The following NUGGC variants were observed in gnomAD, a reference collection of about 807,000 sequenced individuals.
The protein encoded by NUGGC is nuclear GTPase, germinal center associated, also known as nuclear GTPase SLIP-GC.
NUGGC carries 58 observed loss-of-function variants against 92.6 expected under a neutral mutation model. That is an observed-to-expected ratio of 0.63 (90% confidence interval 0.51 to 0.78). The LOEUF is 0.78. NUGGC is among the 30% of genes least tolerant of loss of function. The pLI is 0.00. For synonymous variants in NUGGC, 376 were observed against 366.4 expected (o/e 1.03, Z -0.30); for missense variants, 925 against 964.6 (o/e 0.96, Z 0.54).
At chr8:28,081,389 A>G (rs1810846100) in intron 1 of NUGGC, among the ~76,000 whole-genome samples, 1 of 152,230 alleles carries the variant, frequency 6.6e-6, no homozygotes, top group Non-Finnish European at 1.5e-5. Context: ...ATTGCTCTGC[A>G]GGCACTTATG....
At position 28,032,562 on chromosome 8, in the gene NUGGC, C is replaced by T. The variant is rs537531635; in HGVS notation, c.1769+978G>A. ...GAAACCCCATCTCTACTAAAAAATA[C>T]AAAAAATTAGCCAGGCATGGTGGCA... On this transcript the variant is annotated intron_variant, in intron 14 of 18. Transcript: ENST00000413272. Among the ~76,000 whole-genome samples, 5 of 151,716 alleles carry T rather than the reference C, an allele frequency of 3.3e-5. No individual in the cohort carries two copies. The South Asian group carries it at 1.0e-3, about 32-fold the overall frequency.
intron 9 of NUGGC, among the ~76,000 whole-genome samples, chr8:28,057,158 A>T (rs1373851791): frequency 6.6e-6 from 1 of 152,158 alleles, no homozygotes. Context: ...TCATGACATT[A>T]CAAGAAAAAG....
At chr8:28,061,160 G>C (rs1323181579) in intron 7 of NUGGC, among the ~76,000 whole-genome samples, 1 of 152,168 alleles carries the variant, frequency 6.6e-6, no homozygotes, top group Non-Finnish European at 1.5e-5. Flanking sequence ...ACTAGGTTTG[G>C]TGGTGCACCT....
intron 6 of NUGGC, among the ~76,000 whole-genome samples, chr8:28,066,551 C>T (rs1356813738): frequency 6.6e-6 from 1 of 151,968 alleles, no homozygotes; most frequent in African/African-American, 2.4e-5. Flanking sequence ...AAATTGTACC[C>T]ATTTTACCAA....
At position 28,064,714 on chromosome 8, in the gene NUGGC, G is replaced by A; in HGVS notation, c.729C>T (p.Ile243=). 1 of 1,613,976 alleles carries A rather than the reference G, an allele frequency of 6.2e-7. No individual in the cohort carries two copies. The highest frequency in any genetic ancestry group is 8.5e-7 in the Non-Finnish European group (1 of 1,179,870). ...GTGTGCGGATGTAGGGGTCCAGCTT[G>A]ATGGACAGCTCTTCTGCCTGAAGAA... The part of the protein sequence containing the change: ...LKAEEAEELS[I]KLDPYIRTQR... Residue 243 remains isoleucine (I), a synonymous_variant, in exon 7 of 19, where the codon ATC becomes ATT. Coordinates refer to ENST00000413272, the MANE Select transcript of NUGGC (RefSeq NM_001010906.2).
chr8:28,024,607 CTG>C lies in NUGGC; in HGVS notation c.2246-1147_2246-1146del, dbSNP rs533194718. ...GTCCCCTTTGAAGGGACACTTCAGA[CTG>C]AGCCCTGAATGCCTTTCTAATCCCC... On this transcript the variant is annotated intron_variant, in intron 18 of 18. Transcript: ENST00000413272. Among the ~76,000 whole-genome samples, 13 of 152,350 alleles carry C rather than the reference CTG, an allele frequency of 8.5e-5. No homozygotes were observed. The South Asian group carries it at 2.5e-3, about 29-fold the overall frequency.
rs117342489 is a variant in NUGGC at position 28,078,233 on chromosome 8, T to C, written c.-46-3777A>G. Among the ~76,000 whole-genome samples, 794 of 152,338 alleles carry C rather than the reference T, an allele frequency of 5.2e-3. 16 individuals are homozygous for C. The highest frequency in any genetic ancestry group is 0.02 in the Admixed American group (306 of 15,302). ...GTGGTTTGGTTGTGGTGGATTGGGC[T>C]TCAAATTCCTTTGGCCAATGTTCAA... On this transcript the variant is annotated intron_variant, in intron 1 of 18. Coordinates refer to ENST00000413272, the MANE Select transcript of NUGGC (RefSeq NM_001010906.2).
intron 1 of NUGGC, among the ~76,000 whole-genome samples, chr8:28,076,050 T>C (rs1236359254): frequency 6.6e-6 from 1 of 152,198 alleles, no homozygotes; most frequent in Non-Finnish European, 1.5e-5. Context: ...TTCCCACTCA[T>C]TCCCCCCGTG....
chr8:28,063,916 G>C (rs928404249), intron 7 of NUGGC, among the ~76,000 whole-genome samples: 1 of 151,980 alleles, frequency 6.6e-6, no homozygotes, highest in East Asian at 1.9e-4. Context: ...TCTGTTTACC[G>C]CGCCCTTTCT....
chr8:28,043,526 T>A (rs1397796180), intron 12 of NUGGC, among the ~76,000 whole-genome samples: 4 of 152,204 alleles, frequency 2.6e-5, no homozygotes, highest in Non-Finnish European at 5.9e-5. Context: ...CCAAGGAATT[T>A]TGAGCAAAGT....
Position 28,026,969 on chromosome 8 carries a change from C to A in NUGGC, c.2238G>T (p.Glu746Asp). The change falls in exon 18 of 19, where the codon GAG (glutamate) becomes GAT (aspartate). Residue 746 changes from glutamate to aspartate, a missense_variant. By Grantham distance (45) the Glu-to-Asp change is conservative (BLOSUM62 2). Transcript: ENST00000413272. ...AAGCTTTGGCGTATTTACCTGCAAG[C>A]TCCTTGTAGAGGCCATCCCCCTGGG... is the stretch of plus-strand genomic sequence containing the variant. Reference protein sequence around the residue: ...ASSQGDGLYKELADVGSEYKE... With the variant: ...ASSQGDGLYKDLADVGSEYKE... 1 of 1,611,666 alleles carries A rather than the reference C, an allele frequency of 6.2e-7. No individual in the cohort carries two copies.
chr8:28,032,247 C>T (rs768957029), intron 14 of NUGGC, among the ~76,000 whole-genome samples: 2 of 151,826 alleles, frequency 1.3e-5, no homozygotes, highest in Admixed American at 6.6e-5. Flanking sequence ...TAATCCAAGA[C>T]GTGCTTAAAG....
At chr8:28,035,325 T>C (rs1482021048) in intron 13 of NUGGC, among the ~76,000 whole-genome samples, 1 of 152,046 alleles carries the variant, frequency 6.6e-6, no homozygotes, top group Admixed American at 6.5e-5. Context: ...AAACAAACAG[T>C]AAACGCCTGT....
chr8:28,065,304 A>G (rs943568749), intron 6 of NUGGC, among the ~76,000 whole-genome samples: 4 of 151,770 alleles, frequency 2.6e-5, no homozygotes, highest in South Asian at 2.1e-4. Context: ...GACTACAGGC[A>G]CCCGCAACCA....
intron 7 of NUGGC, among the ~76,000 whole-genome samples, chr8:28,062,828 T>G (rs576120244): frequency 2.0e-5 from 3 of 152,166 alleles, no homozygotes; most frequent in Admixed American, 6.5e-5. Context: ...CCATAAAGGG[T>G]GCAGTGGTTA....
intron 14 of NUGGC, among the ~76,000 whole-genome samples, chr8:28,032,581 G>A (rs908465305): frequency 1.3e-5 from 2 of 152,088 alleles, no homozygotes; most frequent in African/African-American, 4.8e-5. Flanking sequence ...AGCCAGGCAT[G>A]GTGGCAGGTG....
At chr8:28,040,624 C>CT (rs59192296) in intron 13 of NUGGC, among the ~76,000 whole-genome samples, 8,704 of 149,986 alleles carry the variant, frequency 0.058, 818 homozygotes, top group African/African-American at 0.2. Flanking sequence ...TCCTCTGGCT[C>CT]TTTTTTTTTG....
At chr8:28,026,489 C>G (rs1370309662) in intron 18 of NUGGC, among the ~76,000 whole-genome samples, 1 of 152,160 alleles carries the variant, frequency 6.6e-6, no homozygotes, top group Admixed American at 6.5e-5. Flanking sequence ...CCACCATCAC[C>G]AGACCATGAA....
rs955970128 is a variant in NUGGC at position 28,047,623 on chromosome 8, A to G, written c.1207-11T>C. On this transcript the variant is annotated splice_polypyrimidine_tract_variant and intron_variant, in intron 10 of 18. Coordinates refer to ENST00000413272, the MANE Select transcript of NUGGC (RefSeq NM_001010906.2). The stretch of plus-strand genomic sequence containing the variant: ...AGCTGGCAGTTTTCTCTGAAGTGAG[A>G]GAGTCACACAGAAAACAGAATAACT... 1.5e-5 allele frequency: 22 copies of G among 1,490,804 alleles called. No individual in the cohort carries two copies. The highest frequency in any genetic ancestry group is 2.0e-5 in the Admixed American group (1 of 50,744). The allele number at this position is 1,490,804 out of a possible 1,614,324, so 92.3% of individuals were successfully genotyped here. A position where few individuals can be genotyped will look rare whatever the true frequency, so the allele number is the denominator to read the frequency against.
Sources: allele counts gnomAD v4.1 joint callset (sites outside exome capture counted in the v4.1 genomes callset), GRCh38; gene constraint gnomAD v4.1.1; transcripts MANE v1.5; gene names NCBI Gene and HGNC (gene_info 2026-07-23, HGNC 2026-07-21).